Variants in LRRCC1 observed in about 807,000 individuals in gnomAD.
LRRCC1 encodes leucine rich repeat and coiled-coil centrosomal protein 1.
Under a neutral mutation model 126.0 loss-of-function variants are expected in LRRCC1, and 115 were observed. The ratio of observed to expected loss-of-function variants is 0.91; its 90% confidence interval spans 0.78 to 1.07. The LOEUF (loss-of-function observed/expected upper bound fraction) is 1.07. LRRCC1 is among the 50% of genes least tolerant of loss of function. The pLI, the probability that LRRCC1 is intolerant of heterozygous loss-of-function variation, is 0.00. For missense variants in LRRCC1, 1,172 were observed against 1,175.7 expected, an observed-to-expected ratio of 1.00 and a Z score of 0.05; for synonymous variants, 400 against 393.4, an observed-to-expected ratio of 1.02 and a Z score of -0.20.
At chr8:85,108,669 A>C (rs761661133) in intron 1 of LRRCC1, 2 of 152,234 alleles carry the variant, frequency 1.3e-5, no homozygotes, top group Non-Finnish European at 2.9e-5. Context: ...TGCCCCAGAT[A>C]GTCACATTTA....
chr8:85,140,055 T>C (rs1221527585), intron 17 of LRRCC1, among the ~76,000 whole-genome samples: 2 of 152,176 alleles, frequency 1.3e-5, no homozygotes, highest in African/African-American at 4.8e-5. Flanking sequence ...GTCTTTGAGA[T>C]TCTAAAAGAA....
At chr8:85,113,213 A>G (rs1045626332) in intron 4 of LRRCC1, 114 bp downstream of exon 4, 19 of 718,670 alleles carry the variant, frequency 2.6e-5, no homozygotes, top group Non-Finnish European at 4.1e-5. Flanking sequence ...AACATTTTCT[A>G]TATTGGGGAA....
In LRRCC1 at chr8:85,126,721, GAA is replaced by G. The variant is rs1338721633; in HGVS notation, c.1306_1307del (p.Lys436GlufsTer5). The G allele has an allele frequency of 1.2e-6, 2 of 1,612,698 alleles. No homozygotes were observed. The highest frequency in any genetic ancestry group is 2.2e-5 in the East Asian group (1 of 44,860). ...TTGAACAGCTAGACCAAGAGAGAGA[GAA>G]GAGATGGAGAGCTGAGCAAGCCGAA... ...LVEQLDQEREKRWRAEQAENK... is the reference protein window; with the variant it reads ...LVEQLDQEREXRWRAEQAENK... On this transcript the variant is annotated frameshift_variant, in exon 9 of 19. Coordinates refer to ENST00000360375, the MANE Select transcript of LRRCC1 (RefSeq NM_033402.5). LOFTEE classifies it high-confidence loss of function.
At chr8:85,129,427 A>G in intron 10 of LRRCC1, 48 bp downstream of exon 10, 12 of 1,456,414 alleles carry the variant, frequency 8.2e-6, no homozygotes, top group Non-Finnish European at 1.1e-5. Flanking sequence ...ACACAAATTC[A>G]TAGCTTCTAT....
intron 14 of LRRCC1, among the ~76,000 whole-genome samples, chr8:85,136,402 G>A (rs1385085887): frequency 6.6e-6 from 1 of 151,774 alleles, no homozygotes; most frequent in Non-Finnish European, 1.5e-5. Flanking sequence ...AGCCTCCCGA[G>A]TAGCTGGGAT....
At chr8:85,144,541 T>C (rs1811531690) in intron 18 of LRRCC1, among the ~76,000 whole-genome samples, 1 of 146,032 alleles carries the variant, frequency 6.8e-6, no homozygotes, top group Admixed American at 6.8e-5. Flanking sequence ...CTATCTTGCC[T>C]TACTGCAACC....
chr8:85,138,068 T>G lies in LRRCC1; in HGVS notation c.2527T>G (p.Leu843Val), dbSNP rs769703792. The G allele has an allele frequency of 1.3e-6, 2 of 1,587,694 alleles. No homozygotes were observed. Among genetic ancestry groups the G allele is most frequent in the Non-Finnish European group, 1.7e-6 (2 of 1,167,406 alleles). ...AGAAAAAGATGAACACATCAAAAGATTACAAGAAAAGATCACAGAAATAGA... is the reference window on the plus strand; with the variant it reads ...AGAAAAAGATGAACACATCAAAAGAGTACAAGAAAAGATCACAGAAATAGA... ...LQEKDEHIKR[L>V]QEKITEIEKC... The change falls in exon 16 of 19, where the codon TTA (leucine) becomes GTA (valine). Residue 843 changes from leucine (L) to valine (V), a missense_variant. Leu to Val is a conservative substitution (Grantham distance 32). Coordinates refer to ENST00000360375, the MANE Select transcript of LRRCC1 (RefSeq NM_033402.5).
intron 6 of LRRCC1, among the ~76,000 whole-genome samples, chr8:85,118,775 A>G (rs1334062421): frequency 6.6e-6 from 1 of 152,080 alleles, no homozygotes; most frequent in Non-Finnish European, 1.5e-5. Context: ...ATTTTGTCAA[A>G]TATATCTAGT....
intron 12 of LRRCC1, among the ~76,000 whole-genome samples, chr8:85,132,962 TTTCTC>T (rs763721765): frequency 1.1e-4 from 16 of 152,228 alleles, no homozygotes; most frequent in Non-Finnish European, 2.2e-4. Flanking sequence ...CATGCTGTGA[TTTCTC>T]TTATCTTAAG....
At chr8:85,141,593 TA>T in intron 18 of LRRCC1, 76 bp downstream of exon 18, 2 of 1,156,370 alleles carry the variant, frequency 1.7e-6, no homozygotes, top group Non-Finnish European at 2.4e-6. Flanking sequence ...CTTCGAGAAT[TA>T]TAAAGAGAAA....
intron 8 of LRRCC1, among the ~76,000 whole-genome samples, 184 bp downstream of exon 8, chr8:85,125,123 A>G (rs1381167921): frequency 6.6e-6 from 1 of 152,178 alleles, no homozygotes; most frequent in Non-Finnish European, 1.5e-5. Flanking sequence ...AATGAAAATT[A>G]CATTTTTTTA....
intron 5 of LRRCC1, 30 bp downstream of exon 5, chr8:85,115,305 T>TA: frequency 1.3e-6 from 2 of 1,564,006 alleles, no homozygotes; most frequent in Non-Finnish European, 1.7e-6. Flanking sequence ...TTTCCTAATA[T>TA]AAAAAATACC....
chr8:85,119,812 T>A (rs1809402684), intron 6 of LRRCC1, among the ~76,000 whole-genome samples: 1 of 152,170 alleles, frequency 6.6e-6, no homozygotes, highest in Non-Finnish European at 1.5e-5. Flanking sequence ...CGTCTTAATA[T>A]AAGTACTTAG....
chr8:85,136,282 T>C (rs1314449111), intron 14 of LRRCC1, among the ~76,000 whole-genome samples: 1 of 152,002 alleles, frequency 6.6e-6, no homozygotes, highest in Non-Finnish European at 1.5e-5. Flanking sequence ...AATAATTCTT[T>C]TTTTTTTTTG....
At chr8:85,131,146 G>A (rs1810434393) in intron 11 of LRRCC1, among the ~76,000 whole-genome samples, 1 of 152,152 alleles carries the variant, frequency 6.6e-6, no homozygotes, top group Non-Finnish European at 1.5e-5. Flanking sequence ...AATTATAAAA[G>A]ATTGGGGGAA....
chr8:85,144,379 C>T (rs927499221), intron 18 of LRRCC1, among the ~76,000 whole-genome samples: 1 of 146,282 alleles, frequency 6.8e-6, no homozygotes, highest in African/African-American at 2.5e-5. Flanking sequence ...AACAGATTTT[C>T]TAAGCTCTAA....
intron 4 of LRRCC1, 28 bp downstream of exon 4, chr8:85,113,127 C>T (rs542803576): frequency 6.4e-7 from 1 of 1,551,070 alleles, no homozygotes; most frequent in Non-Finnish European, 8.8e-7. Flanking sequence ...AATATTTTTT[C>T]TAACAGTTAA....
At chr8:85,137,114 G>A (rs1411860795) in intron 14 of LRRCC1, among the ~76,000 whole-genome samples, 2 of 152,166 alleles carry the variant, frequency 1.3e-5, no homozygotes, top group Non-Finnish European at 2.9e-5. Context: ...GGAGTGAGCA[G>A]CTGCACCCAG....
Position 85,115,597 on chromosome 8 carries a change from C to T in LRRCC1, c.930+13C>T. On this transcript the variant is annotated intron_variant, in intron 6 of 18. Coordinates refer to ENST00000360375, the MANE Select transcript of LRRCC1 (RefSeq NM_033402.5). ...ACTTCTAAATGAAGTAACTATTTTT[C>T]CTACTTCTCTATAGACATGTTTATT... 1 of 1,510,906 alleles carries T rather than the reference C, an allele frequency of 6.6e-7. No homozygotes were observed. Among genetic ancestry groups the T allele is most frequent in the East Asian group, 2.3e-5 (1 of 43,366 alleles). The allele number at this position is 1,510,906 out of a possible 1,614,324, so 93.6% of individuals were successfully genotyped here.
Sources: gnomAD v4.1 joint callset for allele counts (sites outside exome capture counted in the v4.1 genomes callset) on GRCh38, gnomAD v4.1.1 for gene constraint, MANE v1.5 for transcripts, NCBI Gene and HGNC (gene_info 2026-07-23, HGNC 2026-07-21) for gene names.